HNF1B: variants seen among roughly 807,000 people sequenced by gnomAD.
HNF1B encodes HNF1 homeobox B, also known as hepatocyte nuclear factor 1-beta.
HNF1B carries 8 observed loss-of-function variants against 61.7 expected under a neutral mutation model. The ratio of observed to expected loss-of-function variants is 0.13; its 90% CI spans 0.08 to 0.23. The LOEUF is 0.23. HNF1B is among the 10% of genes least tolerant of loss of function. The pLI is 1.00. For synonymous variants in HNF1B, 314 were observed against 287.7 expected, an observed-to-expected ratio of 1.09 and a Z score of -0.93; for missense variants, 562 against 714.5, an observed-to-expected ratio of 0.79 and a Z score of 2.43.
intron 2 of HNF1B, among the ~76,000 whole-genome samples, chr17:37,736,254 G>A (rs780585419): frequency 1.3e-4 from 20 of 152,250 alleles, no homozygotes; most frequent in African/African-American, 1.9e-4. Context: ...CACCAATGGC[G>A]AAAGCCAGTG....
At chr17:37,722,606 C>T (rs1224932436) in intron 4 of HNF1B, among the ~76,000 whole-genome samples, 1 of 152,200 alleles carries the variant, frequency 6.6e-6, no homozygotes, top group Non-Finnish European at 1.5e-5. Flanking sequence ...GGTGTTTCTC[C>T]AACTTAGGAA....
At chr17:37,727,851 G>A (rs11263760) in intron 4 of HNF1B, among the ~76,000 whole-genome samples, 4,687 of 152,176 alleles carry the variant, frequency 0.031, 226 homozygotes, top group African/African-American at 0.1. Context: ...AGCCCTCCTG[G>A]CTCAGGTGCT....
chr17:37,737,212 A>G (rs1286222247), intron 2 of HNF1B, among the ~76,000 whole-genome samples: 5 of 152,068 alleles, frequency 3.3e-5, no homozygotes, highest in African/African-American at 1.2e-4. Context: ...TAATTCTTAT[A>G]TCATGCTTGC....
At chr17:37,687,560 C>T (rs551645238) in intron 8 of HNF1B, among the ~76,000 whole-genome samples, 168 bp from the exon 9 acceptor site, 1 of 152,258 alleles carries the variant, frequency 6.6e-6, no homozygotes, top group South Asian at 2.1e-4. Flanking sequence ...CATGCTGAGG[C>T]ACACTTCCTG....
chr17:37,738,675 C>T (rs895202563), intron 2 of HNF1B, among the ~76,000 whole-genome samples: 4 of 152,196 alleles, frequency 2.6e-5, no homozygotes, highest in Admixed American at 1.3e-4. Context: ...CTTCTCTAGA[C>T]GTACTTCAAA....
intron 8 of HNF1B, among the ~76,000 whole-genome samples, chr17:37,693,189 CAAAAAAAAAA>C (rs11464180): frequency 4.2e-5 from 2 of 47,768 alleles, no homozygotes; most frequent in South Asian, 8.4e-4. Flanking sequence ...GATTCCATCT[CAAAAAAAAAA>C]AAAAAAAAAA....
At chr17:37,699,435 AGG>A (rs890660832) in intron 7 of HNF1B, among the ~76,000 whole-genome samples, 13 of 152,206 alleles carry the variant, frequency 8.5e-5, no homozygotes, top group Admixed American at 4.6e-4. Context: ...CTCAGAACAC[AGG>A]GCCTACCAGG....
chr17:37,701,282 G>T, intron 6 of HNF1B, 105 bp from the exon 7 acceptor site: 2 of 1,100,692 alleles, frequency 1.8e-6, no homozygotes, highest in Non-Finnish European at 2.7e-6. Flanking sequence ...ACCGGGCTGA[G>T]CCTGTTACAT....
intron 8 of HNF1B, among the ~76,000 whole-genome samples, chr17:37,694,812 C>T (rs1438791406): frequency 6.6e-6 from 1 of 152,162 alleles, no homozygotes; most frequent in Admixed American, 6.5e-5. Flanking sequence ...AGCGGTAAAA[C>T]ATTCATGATG....
chr17:37,708,254 T>C (rs2032816313), intron 5 of HNF1B, among the ~76,000 whole-genome samples: 1 of 152,236 alleles, frequency 6.6e-6, no homozygotes, highest in Non-Finnish European at 1.5e-5. Context: ...CTCTTGAATT[T>C]GGACCTCTGA....
intron 4 of HNF1B, among the ~76,000 whole-genome samples, chr17:37,725,357 C>G (rs1053097980): frequency 3.3e-5 from 5 of 152,202 alleles, no homozygotes; most frequent in Non-Finnish European, 7.3e-5. Context: ...TGGAGCCCCA[C>G]GAGCACAGCA....
intron 1 of HNF1B, among the ~76,000 whole-genome samples, chr17:37,741,465 G>A (rs540213740): frequency 7.2e-5 from 11 of 152,284 alleles, no homozygotes; most frequent in Admixed American, 6.5e-4. Context: ...AACAAAAAAT[G>A]AGAAAACGAG....
intron 8 of HNF1B, among the ~76,000 whole-genome samples, chr17:37,695,828 A>G (rs989153360): frequency 2.6e-5 from 4 of 152,188 alleles, no homozygotes; most frequent in Non-Finnish European, 5.9e-5. Flanking sequence ...AAGTAAGTAT[A>G]TAGTTTTTTT....
At chr17:37,731,241 G>C (rs759717421) in intron 4 of HNF1B, 2 of 427,084 alleles carry the variant, frequency 4.7e-6, no homozygotes, top group Admixed American at 7.0e-5. Flanking sequence ...ACGCCATCAC[G>C]ACCCGTTTGC....
chr17:37,717,105 T>C (rs1183858401), intron 4 of HNF1B, among the ~76,000 whole-genome samples: 2 of 152,072 alleles, frequency 1.3e-5, no homozygotes, highest in Non-Finnish European at 2.9e-5. Context: ...ATGAGGAAAG[T>C]GGGGATTCCT....
intron 4 of HNF1B, among the ~76,000 whole-genome samples, chr17:37,722,865 C>T (rs537990083): frequency 6.6e-6 from 1 of 152,176 alleles, no homozygotes; most frequent in East Asian, 1.9e-4. Flanking sequence ...CTTTGCTCAC[C>T]GTGGGGCTGT....
chr17:37,739,425 G>C lies in HNF1B; in HGVS notation c.544+15C>G, dbSNP rs887812810. On this transcript the variant is annotated intron_variant, in intron 2 of 8. Transcript: ENST00000617811. ...TCACTTCAGGTTGAGGCAGAGGCAG[G>C]ATGAAAACACTTACGTCGGAGGATC... is the stretch of plus-strand genomic sequence containing the variant. The C allele has an allele frequency of 1.2e-6, 2 of 1,613,050 alleles. No homozygotes were observed. The highest frequency in any genetic ancestry group is 2.7e-5 in the African/African-American group (2 of 74,896).
At chr17:37,716,288 C>T (rs1026396877) in intron 4 of HNF1B, among the ~76,000 whole-genome samples, 1 of 152,112 alleles carries the variant, frequency 6.6e-6, no homozygotes, top group African/African-American at 2.4e-5. Context: ...ACCTTCGCCT[C>T]CCGGGCTCAA....
At chr17:37,741,699 C>G (rs773187749) in intron 1 of HNF1B, among the ~76,000 whole-genome samples, 3 of 152,150 alleles carry the variant, frequency 2.0e-5, no homozygotes, top group Non-Finnish European at 2.9e-5. Context: ...TTAGCAAATT[C>G]TTCGGCTATT....
Sources: allele counts gnomAD v4.1 joint callset (sites outside exome capture counted in the v4.1 genomes callset), GRCh38; gene constraint gnomAD v4.1.1; transcripts MANE v1.5; gene names NCBI Gene and HGNC (gene_info 2026-07-23, HGNC 2026-07-21).